Variants in HDAC9 observed in about 807,000 individuals in gnomAD.
HDAC9 encodes the protein histone deacetylase 9.
In HDAC9, 41 loss-of-function variants were observed where a neutral mutation model predicts 139.4. The ratio of observed to expected loss-of-function variants is 0.29; its 90% CI spans 0.23 to 0.38. HDAC9 has a LOEUF of 0.38. Among genes scored for constraint, HDAC9 ranks in the 10% least tolerant of loss-of-function variants. The probability of loss-of-function intolerance (pLI) is 1.00; values close to 1 mark genes in which losing one functional copy is unlikely to be tolerated. For missense variants in HDAC9, 1,147 were observed against 1,297.0 expected (o/e 0.88, Z 1.78); for synonymous variants, 517 against 476.2 (o/e 1.09, Z -1.12).
At chr7:18,644,937 G>T in intron 9 of HDAC9, 144 bp downstream of exon 9, 1 of 724,158 alleles carries the variant, frequency 1.4e-6, no homozygotes, top group Non-Finnish European at 2.1e-6. Flanking sequence ...TTGCTGTGTT[G>T]TTCAAAGACA....
intron 2 of HDAC9, among the ~76,000 whole-genome samples, chr7:18,179,332 A>G (rs547203607): frequency 6.6e-6 from 1 of 152,306 alleles, no homozygotes; most frequent in Admixed American, 6.5e-5. Context: ...ATCCATAGGG[A>G]CTTGCCCCAG....
chr7:18,252,103 A>G (rs935521990), intron 2 of HDAC9, among the ~76,000 whole-genome samples: 1 of 152,246 alleles, frequency 6.6e-6, no homozygotes, highest in African/African-American at 2.4e-5. Flanking sequence ...AAAATAAATT[A>G]AGTAGAAGAT....
intron 1 of HDAC9, among the ~76,000 whole-genome samples, chr7:18,151,482 T>G (rs1786774702): frequency 6.6e-6 from 1 of 152,228 alleles, no homozygotes; most frequent in Admixed American, 6.5e-5. Context: ...TATCCTCTCA[T>G]GGGCCAGTTA....
chr7:18,644,677 G>A lies in HDAC9; in HGVS notation c.919G>A (p.Val307Ile). The change falls in exon 9 of 26, where the codon GTT becomes ATT. Residue 307 changes from valine to isoleucine, a missense_variant. By Grantham distance (29) the Val-to-Ile change is conservative. Transcript: ENST00000686413. Reference sequence around the variant, plus strand: ...TCTCCTCTTTTTTTAACAGCAAATGGTTTCACAGCAACGCATTCTAATTCA... The same window carrying A: ...TCTCCTCTTTTTTTAACAGCAAATGATTTCACAGCAACGCATTCTAATTCA... ...LPPTPHAEQM[V>I]SQQRILIHED... The A allele has an allele frequency of 6.2e-7, 1 of 1,608,632 alleles. No homozygotes were observed. Among genetic ancestry groups the A allele is most frequent in the Non-Finnish European group, 8.5e-7 (1 of 1,177,316 alleles).
At chr7:18,359,110 C>T (rs1783566915) in intron 1 of HDAC9, among the ~76,000 whole-genome samples, 1 of 152,198 alleles carries the variant, frequency 6.6e-6, no homozygotes. Flanking sequence ...AATCCCAGCA[C>T]TTTGGGAGGC....
intron 1 of HDAC9, among the ~76,000 whole-genome samples, chr7:18,446,125 C>T (rs57551524): frequency 0.035 from 5,320 of 152,312 alleles, 114 homozygotes; most frequent in African/African-American, 0.066. Flanking sequence ...TGTGCAGAGA[C>T]ATTTAAATTC....
chr7:18,925,808 G>T (rs563737752), intron 22 of HDAC9, among the ~76,000 whole-genome samples: 7 of 151,008 alleles, frequency 4.6e-5, no homozygotes, highest in Non-Finnish European at 1.0e-4. Flanking sequence ...TACTTATATT[G>T]GCCACAATGT....
chr7:18,683,879 A>G (rs1180594004), intron 12 of HDAC9, among the ~76,000 whole-genome samples: 1 of 152,024 alleles, frequency 6.6e-6, no homozygotes, highest in East Asian at 1.9e-4. Context: ...TTCAAGTTTT[A>G]TTTACTCTAA....
chr7:18,935,628 T>C (rs1781579278), intron 22 of HDAC9, among the ~76,000 whole-genome samples, 181 bp from the exon 23 acceptor site: 1 of 152,184 alleles, frequency 6.6e-6, no homozygotes, highest in Non-Finnish European at 1.5e-5. Flanking sequence ...TTTGGGTCCC[T>C]TATCTGTAAA....
intron 1 of HDAC9, among the ~76,000 whole-genome samples, chr7:18,329,258 T>A (rs1288565824): frequency 6.6e-6 from 1 of 151,726 alleles, no homozygotes; most frequent in Admixed American, 6.6e-5. Context: ...AGTGGAGGAA[T>A]CAGTTTTAAT....
chr7:18,840,869 T>G (rs1796540327), intron 21 of HDAC9, among the ~76,000 whole-genome samples: 1 of 152,140 alleles, frequency 6.6e-6, no homozygotes, highest in Non-Finnish European at 1.5e-5. Context: ...ATGCTGAGTC[T>G]TTAATATAAG....
At chr7:18,948,233 AAAG>A (rs1362746757) in intron 23 of HDAC9, among the ~76,000 whole-genome samples, 4 of 151,954 alleles carry the variant, frequency 2.6e-5, no homozygotes, top group African/African-American at 9.7e-5. Context: ...ATTGTAAAAA[AAAG>A]AAAAAGATAT....
chr7:18,837,506 G>C (rs535984160), intron 21 of HDAC9, among the ~76,000 whole-genome samples: 94 of 152,002 alleles, frequency 6.2e-4, no homozygotes, highest in Non-Finnish European at 6.9e-4. Flanking sequence ...AGTTAACCTG[G>C]TAACTTGCAT....
intron 2 of HDAC9, among the ~76,000 whole-genome samples, chr7:18,582,873 A>G (rs750144261): frequency 6.6e-6 from 1 of 152,210 alleles, no homozygotes; most frequent in Non-Finnish European, 1.5e-5. Context: ...TCCACTTGCC[A>G]TAAATAATCG....
chr7:18,283,944 C>T (rs1797269362), intron 2 of HDAC9, among the ~76,000 whole-genome samples: 1 of 152,120 alleles, frequency 6.6e-6, no homozygotes, highest in African/African-American at 2.4e-5. Context: ...CCTCTGGCCC[C>T]AGCAAAAGAA....
intron 22 of HDAC9, among the ~76,000 whole-genome samples, chr7:18,888,034 T>C (rs1031586300): frequency 1.3e-5 from 2 of 152,192 alleles, no homozygotes; most frequent in Non-Finnish European, 2.9e-5. Flanking sequence ...AACTCCCTCA[T>C]TTATCTTATC....
rs141640553 is a variant in HDAC9, at chr7:18,627,726, T to A, written c.665-1624T>A. Among the ~76,000 whole-genome samples, 211 of 152,172 alleles carry A rather than the reference T, an allele frequency of 1.4e-3. 3 individuals are homozygous for A. The highest frequency in any genetic ancestry group is 4.9e-3 in the African/African-American group (205 of 41,580). ...CCCGGCAAGTGATACATTTCAGATC[T>A]CTATCACTTTGAGCTTGTGCTCACC... is the stretch of plus-strand genomic sequence containing the variant. On this transcript the variant is annotated intron_variant, in intron 6 of 25. Coordinates refer to ENST00000686413, the MANE Select transcript of HDAC9 (RefSeq NM_178425.4).
intron 1 of HDAC9, among the ~76,000 whole-genome samples, chr7:18,454,180 C>A (rs773736952): frequency 2.0e-5 from 3 of 151,976 alleles, no homozygotes; most frequent in Non-Finnish European, 4.4e-5. Context: ...TTAATCTTAT[C>A]AAAATACTGG....
chr7:18,819,923 TTAAAA>T (rs1174974631), intron 17 of HDAC9, among the ~76,000 whole-genome samples: 2 of 152,188 alleles, frequency 1.3e-5, no homozygotes, highest in Non-Finnish European at 2.9e-5. Context: ...TCTTTGTAAC[TTAAAA>T]TAAAATATAA....
Sources: allele counts gnomAD v4.1 joint callset (sites outside exome capture counted in the v4.1 genomes callset), GRCh38; gene constraint gnomAD v4.1.1; transcripts MANE v1.5; gene names NCBI Gene and HGNC (gene_info 2026-07-23, HGNC 2026-07-21).